The following ZZZ3 variants were observed in gnomAD, a reference collection of about 807,000 sequenced individuals.
ZZZ3 encodes zinc finger ZZ-type containing 3.
Under a neutral mutation model 95.2 loss-of-function variants are expected in ZZZ3, and 22 were observed. The observed-to-expected ratio is 0.23, with a 90% confidence interval of 0.17 to 0.33. The LOEUF is 0.33. ZZZ3 is among the 10% of genes least tolerant of loss of function. ZZZ3 has a pLI of 1.00. For synonymous variants in ZZZ3, 335 were observed against 358.9 expected (o/e 0.93, Z 0.75); for missense variants, 885 against 1,066.5 (o/e 0.83, Z 2.37).
chr1:77,581,442 T>C (rs1394113569), intron 8 of ZZZ3, among the ~76,000 whole-genome samples: 2 of 152,218 alleles, frequency 1.3e-5, no homozygotes, highest in African/African-American at 2.4e-5. Flanking sequence ...GGAACTACTA[T>C]TTTTAGAGTA....
chr1:77,658,337 G>C (rs757954388), intron 1 of ZZZ3, among the ~76,000 whole-genome samples: 1 of 151,866 alleles, frequency 6.6e-6, no homozygotes, highest in Non-Finnish European at 1.5e-5. Context: ...GGGCTAAATT[G>C]TCTGGGATTT....
At chr1:77,590,228 G>T (rs1234321104) in intron 5 of ZZZ3, among the ~76,000 whole-genome samples, 1 of 152,154 alleles carries the variant, frequency 6.6e-6, no homozygotes, top group African/African-American at 2.4e-5. Flanking sequence ...ACAAAAATTA[G>T]CTGGACATGG....
At chr1:77,670,000 T>C (rs1339501578) in intron 1 of ZZZ3, among the ~76,000 whole-genome samples, 2 of 151,682 alleles carry the variant, frequency 1.3e-5, no homozygotes, top group Admixed American at 6.6e-5. Flanking sequence ...AAGCACTGAA[T>C]TGTGCACTTA....
At chr1:77,596,427 T>C (rs1205008095) in intron 5 of ZZZ3, among the ~76,000 whole-genome samples, 2 of 152,134 alleles carry the variant, frequency 1.3e-5, no homozygotes, top group African/African-American at 2.4e-5. Flanking sequence ...TGAAACTATT[T>C]CATATAACAC....
At chr1:77,637,062 G>A (rs1351143289) in intron 4 of ZZZ3, among the ~76,000 whole-genome samples, 13 of 152,086 alleles carry the variant, frequency 8.5e-5, no homozygotes, top group South Asian at 8.3e-4. Flanking sequence ...ACGAGGCTCC[G>A]CCCCAGACCT....
intron 5 of ZZZ3, among the ~76,000 whole-genome samples, chr1:77,626,705 G>A (rs533322574): frequency 5.8e-4 from 89 of 152,212 alleles, no homozygotes; most frequent in Non-Finnish European, 9.3e-4. Flanking sequence ...GGGTAAATCC[G>A]GCTATTATTC....
chr1:77,599,581 C>A (rs1027671547), intron 5 of ZZZ3, among the ~76,000 whole-genome samples: 1 of 151,988 alleles, frequency 6.6e-6, no homozygotes, highest in Admixed American at 6.6e-5. Context: ...AGTTAACCTA[C>A]ATCTAAAACT....
intron 7 of ZZZ3, 30 bp downstream of exon 7, chr1:77,581,949 T>C: frequency 6.2e-7 from 1 of 1,601,840 alleles, no homozygotes; most frequent in Non-Finnish European, 8.5e-7. Flanking sequence ...GATATTTTTC[T>C]ACTTAAATTC....
intron 1 of ZZZ3, among the ~76,000 whole-genome samples, chr1:77,669,040 G>T (rs946155100): frequency 6.7e-6 from 1 of 150,018 alleles, no homozygotes; most frequent in Non-Finnish European, 1.5e-5. Context: ...TATGCACAAC[G>T]ATATCCTAAG....
At chr1:77,570,481 G>A (rs999229914) in intron 12 of ZZZ3, among the ~76,000 whole-genome samples, 5 of 151,650 alleles carry the variant, frequency 3.3e-5, no homozygotes, top group Admixed American at 6.6e-5. Context: ...CTTTCAAATC[G>A]GTCCTCTAGT....
At chr1:77,586,435 A>G (rs2100584591) in intron 5 of ZZZ3, among the ~76,000 whole-genome samples, 1 of 152,378 alleles carries the variant, frequency 6.6e-6, no homozygotes, top group South Asian at 2.1e-4. Flanking sequence ...AGGGTTACAA[A>G]AAAACAAGCT....
chr1:77,565,551 C>T lies in ZZZ3; in HGVS notation c.*89G>A. The T allele has an allele frequency of 7.1e-7, 1 of 1,399,202 alleles. No individual in the cohort carries two copies. The highest frequency in any genetic ancestry group is 1.4e-5 in the African/African-American group (1 of 69,914). 86.7% of individuals were successfully genotyped at this position (1,399,202 alleles called of 1,614,324 possible). ...GCTGTGAGTGTCATTTCTGGGAAAG[C>T]AGAGAATCTTTCCAAACTGTGCACA... On this transcript the variant is annotated 3_prime_UTR_variant, in exon 15 of 15. Transcript: ENST00000370801.
In ZZZ3 at chr1:77,581,776, C is replaced by A; in HGVS notation, c.1908G>T (p.Gln636His). The A allele has an allele frequency of 6.2e-7, 1 of 1,609,430 alleles. No homozygotes were observed. ...TACTCCAATATTTCACACTGCTTAC[C>A]TGAGGACGACTGCTTGAGCCTTCTG... is the stretch of plus-strand genomic sequence containing the variant. Reference protein sequence around the residue: ...DGPEGSSSRPQMIRGRLCDDT... With the variant: ...DGPEGSSSRPHMIRGRLCDDT... Residue 636 changes from glutamine (Q) to histidine (H), a missense_variant and splice_region_variant, in exon 8 of 15, where the codon CAG becomes CAT. Gln to His is a conservative substitution (Grantham distance 24). This residue lies in a region of ZZZ3 where 99 missense variants were observed against 119.8 expected (regional missense o/e 0.83). Coordinates refer to ENST00000370801, the MANE Select transcript of ZZZ3 (RefSeq NM_015534.6).
chr1:77,603,311 T>A (rs1664921548), intron 5 of ZZZ3, among the ~76,000 whole-genome samples: 1 of 152,176 alleles, frequency 6.6e-6, no homozygotes, highest in Admixed American at 6.5e-5. Context: ...ACTCCCGGGC[T>A]CAAGTGATCC....
intron 9 of ZZZ3, 198 bp from the exon 10 acceptor site, chr1:77,579,826 A>C (rs913875322): frequency 1.1e-5 from 4 of 355,768 alleles, no homozygotes; most frequent in South Asian, 1.4e-4. Flanking sequence ...ATGAAATTAG[A>C]GAATAAACTT....
chr1:77,679,059 AAAG>A (rs1315408557), intron 1 of ZZZ3, among the ~76,000 whole-genome samples: 4 of 152,222 alleles, frequency 2.6e-5, no homozygotes, highest in African/African-American at 9.6e-5. Context: ...AATCAGCTGA[AAAG>A]AAAAACAGAA....
At chr1:77,566,418 T>A (rs1660835892) in intron 13 of ZZZ3, among the ~76,000 whole-genome samples, 1 of 152,200 alleles carries the variant, frequency 6.6e-6, no homozygotes, top group South Asian at 2.1e-4. Context: ...GAAGGGATAA[T>A]CTTCAATCAG....
rs905434772 is a variant in ZZZ3, at chr1:77,632,231, C to T, written c.1124G>A (p.Arg375His). The stretch of plus-strand genomic sequence containing the variant: ...TCGTGGTGAGGTTCTCAGAGTATAA[C>T]GATGTTCTTGAGGTTCTGATAAAGA... ...MMSLSEPQEH[R>H]YTLRTSPRRA... Residue 375 changes from arginine (R) to histidine (H), a missense_variant, in exon 5 of 15, where the codon CGT becomes CAT. Arg to His is a conservative substitution (Grantham distance 29, BLOSUM62 0). Around this residue, in one of 5 missense-constraint regions of ZZZ3, gnomAD observed 556 missense variants for 652.9 expected, o/e 0.85. Transcript: ENST00000370801. 6.8e-6 allele frequency: 11 copies of T among 1,613,916 alleles called. No homozygotes were observed. In the African/African-American group the frequency reaches 8.0e-5, roughly 12 times the overall value.
At chr1:77,579,200 C>CA (rs1662260531) in intron 10 of ZZZ3, among the ~76,000 whole-genome samples, 1 of 151,990 alleles carries the variant, frequency 6.6e-6, no homozygotes, top group Non-Finnish European at 1.5e-5. Flanking sequence ...AGAAAGACAA[C>CA]CAGGAAACAC....
Sources: gnomAD v4.1 joint callset for allele counts (sites outside exome capture counted in the v4.1 genomes callset) on GRCh38, gnomAD v4.1.1 for gene constraint, gnomAD v4.1.1 regional missense constraint, MANE v1.5 for transcripts, NCBI Gene and HGNC (gene_info 2026-07-23, HGNC 2026-07-21) for gene names.